Variants in ZNF763 observed in about 807,000 individuals in gnomAD.
The protein encoded by ZNF763 is zinc finger protein 763.
Under a neutral mutation model 38.0 loss-of-function variants are expected in ZNF763, and 33 were observed. That is an observed-to-expected ratio of 0.87 (90% CI 0.66 to 1.16). The LOEUF (loss-of-function observed/expected upper bound fraction) is 1.16, where lower values mean the gene tolerates loss of function less well. Ranked by LOEUF, ZNF763 falls within the 50% of genes most tolerant of loss-of-function variation. ZNF763 has a pLI of 0.00. For synonymous variants in ZNF763, 155 were observed against 160.1 expected (o/e 0.97, Z 0.24); for missense variants, 423 against 469.1 (o/e 0.90, Z 0.91).
rs1416234397 is a variant in ZNF763, at chr19:11,977,441, A to C, written c.191+10A>C. 1.9e-6 allele frequency: 3 copies of C among 1,613,660 alleles called. No homozygotes were observed. The highest frequency in any genetic ancestry group is 2.7e-5 in the African/African-American group (2 of 74,938). On this transcript the variant is annotated intron_variant, in intron 3 of 3. Transcript: ENST00000358987. ...CCAGGAGAAACTTCAGGTAATTGGC[A>C]CTTAAAGAGAAAGCAGTGTCTCTAG...
intron 1 of ZNF763, among the ~76,000 whole-genome samples, chr19:11,975,498 C>T (rs559847413): frequency 2.3e-3 from 341 of 151,122 alleles, no homozygotes; most frequent in Non-Finnish European, 3.5e-3. Flanking sequence ...CCCGGGTTCA[C>T]GCCATTCTCC....
rs764885193 is a variant in ZNF763, at chr19:11,978,758, C to A, written c.834C>A (p.His278Gln). ...CTTTTCAAGCACATAAAAGAACCCA[C>A]ACTGGGGGAAAGCCATATGAATGTA... ...SSSFQAHKRT[H>Q]TGGKPYECKQ... is the part of the protein sequence containing the mutation. Residue 278 changes from histidine (H) to glutamine (Q), a missense_variant, in exon 4 of 4, where the codon CAC (histidine) becomes CAA (glutamine). Coordinates refer to ENST00000358987, the MANE Select transcript of ZNF763 (RefSeq NM_001367172.2). The A allele has an allele frequency of 2.5e-6, 4 of 1,613,944 alleles. No homozygotes were observed. The East Asian group carries it at 8.9e-5, about 36-fold the overall frequency.
rs770109684 is a variant in ZNF763, at chr19:11,979,470, CAT to C, written c.*362_*363del. 130 of 1,598,684 alleles carry C rather than the reference CAT, an allele frequency of 8.1e-5. No homozygotes were observed. The highest frequency in any genetic ancestry group is 7.8e-4 in the African/African-American group (57 of 73,384). On this transcript the variant is annotated 3_prime_UTR_variant, in exon 4 of 4. Coordinates refer to ENST00000358987, the MANE Select transcript of ZNF763 (RefSeq NM_001367172.2). ...GGAGAAAGACCTTATAAATGTAAGA[CAT>C]GTGGGAAAGGCTTTTATTCTCCCAC...
chr19:11,965,226 C>A lies in ZNF763; in HGVS notation c.3+15C>A. Reference sequence around the variant, plus strand: ...GCCAGGAAATGGTGCGTGTGCATAGCCGGTTGTCCCGAGACGGGGTAGAGG... The same window carrying A: ...GCCAGGAAATGGTGCGTGTGCATAGACGGTTGTCCCGAGACGGGGTAGAGG... On this transcript the variant is annotated intron_variant, in intron 1 of 3. Transcript: ENST00000358987. 3 of 1,614,018 alleles carry A rather than the reference C, an allele frequency of 1.9e-6. No homozygotes were observed. Among genetic ancestry groups the A allele is most frequent in the Non-Finnish European group, 2.5e-6 (3 of 1,179,924 alleles).
Position 11,978,676 on chromosome 19 carries a change from C to T in ZNF763, c.752C>T (p.Thr251Ile). Residue 251 changes from threonine to isoleucine, a missense_variant, in exon 4 of 4, where the codon ACT becomes ATT. Transcript: ENST00000358987. The stretch of plus-strand genomic sequence containing the variant: ...CATCGAATACATGAAAGAACTCACA[C>T]TGGAGAAAAGCCTTATGAATGTCAG... ...ATHRIHERTH[T>I]GEKPYECQQC... 1.2e-6 allele frequency: 2 copies of T among 1,614,136 alleles called. No individual in the cohort carries two copies. The highest frequency in any genetic ancestry group is 1.7e-6 in the Non-Finnish European group (2 of 1,180,010).
At position 11,977,041 on chromosome 19, in the gene ZNF763, C is replaced by G. The variant is rs775626470; in HGVS notation, c.7C>G (p.Pro3Ala). The change falls in exon 2 of 4, where the codon CCT (proline) becomes GCT (alanine). Residue 3 changes from proline (P) to alanine (A), a missense_variant. Physicochemically the swap from Pro to Ala is conservative, Grantham distance 27. Transcript: ENST00000358987. ...CTACACATGTGAGATGTTTCAGGAC[C>G]CTGTGGCCTGTGAGGATGTTGCTGT... MD[P>A]VACEDVAVNF... The G allele has an allele frequency of 1.9e-6, 3 of 1,613,988 alleles. No individual in the cohort carries two copies. The East Asian group carries it at 6.7e-5, about 36-fold the overall frequency.
chr19:11,967,162 T>C (rs59481042), intron 1 of ZNF763, among the ~76,000 whole-genome samples: 19,220 of 152,034 alleles, frequency 0.13, 2,260 homozygotes, highest in African/African-American at 0.31. Context: ...TAGCGAAACC[T>C]CTTCTCTTCC....
In ZNF763 at chr19:11,979,005, AC is replaced by A; in HGVS notation, c.1084del (p.His362ThrfsTer36). On this transcript the variant is annotated frameshift_variant, in exon 4 of 4. Transcript: ENST00000358987. LOFTEE classifies it high-confidence loss of function. ...CAGTTCCCTTCGTAGACATGAAAGG[AC>A]CCACTCTGCGAAAAAACCTTATGAA... ...YPSSLRRHER[T>X]HSAKKPYECK... 10 of 1,614,228 alleles carry A rather than the reference AC, an allele frequency of 6.2e-6. No individual in the cohort carries two copies. The highest frequency in any genetic ancestry group is 8.5e-6 in the Non-Finnish European group (10 of 1,180,042).
At chr19:11,975,552 C>T (rs907395909) in intron 1 of ZNF763, among the ~76,000 whole-genome samples, 2 of 152,094 alleles carry the variant, frequency 1.3e-5, no homozygotes, top group African/African-American at 2.4e-5. Context: ...CGCCCGCCAC[C>T]GCGTCCAGCC....
intron 2 of ZNF763, 81 bp from the exon 3 acceptor site, chr19:11,977,290 G>A: frequency 1.9e-6 from 3 of 1,604,060 alleles, no homozygotes; most frequent in Non-Finnish European, 2.6e-6. Flanking sequence ...CATGGCTGCA[G>A]TAAATCATAG....
rs74528587 is a variant in ZNF763 at position 11,968,555 on chromosome 19, G to C, written c.3+3344G>C. On this transcript the variant is annotated intron_variant, in intron 1 of 3. Coordinates refer to ENST00000358987, the MANE Select transcript of ZNF763 (RefSeq NM_001367172.2). ...ATGCATGTGGATAACAACTTAATTT[G>C]TAGTGGTTTGCTTTTTTCCCCCAGA... Among the ~76,000 whole-genome samples the C allele has an allele frequency of 1.3e-3, 202 of 152,280 alleles. 1 individual carries two copies. The highest frequency in any genetic ancestry group is 4.7e-3 in the African/African-American group (197 of 41,570).
rs1973518819 is a variant in ZNF763, at chr19:11,977,401, A to G, written c.161A>G (p.Tyr54Cys). The change falls in exon 3 of 4, where the codon TAT (tyrosine) becomes TGT (cysteine). Residue 54 changes from tyrosine (Y) to cysteine (C), a missense_variant. By Grantham distance (194) the Tyr-to-Cys change is radical. Coordinates refer to ENST00000358987, the MANE Select transcript of ZNF763 (RefSeq NM_001367172.2). ...AAGTGGAAAGACCAGAACATTGAAT[A>G]TGAGTACCAAAACCCCAGGAGAAAC... is the stretch of plus-strand genomic sequence containing the variant. ...GKKWKDQNIE[Y>C]EYQNPRRNFR... The G allele has an allele frequency of 6.2e-7, 1 of 1,613,944 alleles. No homozygotes were observed. Among genetic ancestry groups the G allele is most frequent in the African/African-American group, 1.3e-5 (1 of 74,936 alleles).
rs1214751746 is a variant in ZNF763, at chr19:11,979,060, A to G, written c.1136A>G (p.Tyr379Cys). Residue 379 changes from tyrosine to cysteine, a missense_variant, in exon 4 of 4, where the codon TAT (tyrosine) becomes TGT (cysteine). Transcript: ENST00000358987. Reference sequence around the variant, plus strand: ...AAGCAGTGTGGGAAAGCATTATCTTATAAGTTTTCAAACACACCTAAGAAT... The same window carrying G: ...AAGCAGTGTGGGAAAGCATTATCTTGTAAGTTTTCAAACACACCTAAGAAT... ...ECKQCGKALS[Y>C]KFSNTPKNAL... 3 of 1,614,044 alleles carry G rather than the reference A, an allele frequency of 1.9e-6. No homozygotes were observed. The highest frequency in any genetic ancestry group is 1.3e-5 in the African/African-American group (1 of 74,908).
chr19:11,975,078 C>T (rs971437489), intron 1 of ZNF763, among the ~76,000 whole-genome samples: 20 of 151,588 alleles, frequency 1.3e-4, no homozygotes, highest in East Asian at 9.7e-4. Context: ...TGTCATAGTA[C>T]GGGCCAAGAT....
rs373785210 is a variant in ZNF763, at chr19:11,978,563, A to T, written c.639A>T (p.Arg213Ser). ...GTGGGAAAGCTGTCCATTGTCTCAG[A>T]TTATATCTTATCCATGAAAGAACTC... is the stretch of plus-strand genomic sequence containing the variant. ...KFCGKAVHCLRLYLIHERTHT... is the reference protein window; with the variant it reads ...KFCGKAVHCLSLYLIHERTHT... Residue 213 changes from arginine (R) to serine (S), a missense_variant, in exon 4 of 4, where the codon AGA (arginine) becomes AGT (serine). By Grantham distance (110) the Arg-to-Ser change is moderately radical. Transcript: ENST00000358987. 10 of 1,614,082 alleles carry T rather than the reference A, an allele frequency of 6.2e-6. No homozygotes were observed. The highest frequency in any genetic ancestry group is 1.1e-5 in the South Asian group (1 of 91,082).
At chr19:11,968,452 G>A (rs958872012) in intron 1 of ZNF763, among the ~76,000 whole-genome samples, 25 of 152,042 alleles carry the variant, frequency 1.6e-4, no homozygotes, top group African/African-American at 5.6e-4. Flanking sequence ...ATGTTGCTCA[G>A]GCTGGTCTCT....
chr19:11,965,054 G>T lies in ZNF763; in HGVS notation c.-155G>T. ...GGGTCGCATTCCTGTCCTCACCTTT[G>T]TCCTTGCGCAGCCGGTGGTTGATAT... On this transcript the variant is annotated 5_prime_UTR_variant, in exon 1 of 4. Coordinates refer to ENST00000358987, the MANE Select transcript of ZNF763 (RefSeq NM_001367172.2). The T allele has an allele frequency of 2.2e-6, 2 of 904,092 alleles. No homozygotes were observed. The highest frequency in any genetic ancestry group is 3.5e-6 in the Non-Finnish European group (2 of 574,762). 56.0% of individuals were successfully genotyped at this position (904,092 alleles called of 1,614,324 possible).
At position 11,979,245 on chromosome 19, in the gene ZNF763, T is replaced by C. The variant is rs1165152245; in HGVS notation, c.*136T>C. The C allele has an allele frequency of 1.9e-6, 3 of 1,612,692 alleles. No individual in the cohort carries two copies. Among genetic ancestry groups the C allele is most frequent in the Admixed American group, 1.7e-5 (1 of 59,828 alleles). ...ATCTTTCCAGTTCCTTTCAGTATCA[T>C]GAAAGGACTCACACTGGAGAGAAAC... On this transcript the variant is annotated 3_prime_UTR_variant, in exon 4 of 4. Transcript: ENST00000358987.
At position 11,978,229 on chromosome 19, in the gene ZNF763, A is replaced by C; in HGVS notation, c.305A>C (p.Glu102Ala). The change falls in exon 4 of 4, where the codon GAA becomes GCA. Residue 102 changes from glutamate to alanine, a missense_variant. By Grantham distance (107) the Glu-to-Ala change is moderately radical. Transcript: ENST00000358987. ...TTCCAGGAGAAGAAAGCTTCTCCTG[A>C]AGCAAAATCATGTGATAACTTTGTA... Reference protein sequence around the residue: ...LNFQEKKASPEAKSCDNFVCG... With the variant: ...LNFQEKKASPAAKSCDNFVCG... The C allele has an allele frequency of 6.2e-7, 1 of 1,614,088 alleles. No individual in the cohort carries two copies.
Sources: allele counts gnomAD v4.1 joint callset (sites outside exome capture counted in the v4.1 genomes callset), GRCh38; gene constraint gnomAD v4.1.1; transcripts MANE v1.5; gene names NCBI Gene and HGNC (gene_info 2026-07-23, HGNC 2026-07-21).